EML5: variants seen among roughly 807,000 people sequenced by gnomAD.
EML5 encodes the protein echinoderm microtubule-associated protein-like 5.
A neutral mutation model predicts 250.0 loss-of-function variants in EML5; 120 were observed. The ratio of observed to expected loss-of-function variants is 0.48; its 90% CI spans 0.41 to 0.56. The LOEUF (loss-of-function observed/expected upper bound fraction) is 0.56. Ranked by LOEUF, EML5 falls within the 20% of genes least tolerant of loss-of-function variation. The pLI is 0.00. For missense variants in EML5, 2,006 were observed against 2,437.6 expected, an observed-to-expected ratio of 0.82 and a Z score of 3.73; for synonymous variants, 771 against 806.5, an observed-to-expected ratio of 0.96 and a Z score of 0.75.
In EML5 at chr14:88,615,811, G is replaced by A. The variant is rs373293272; in HGVS notation, c.*7C>T. On this transcript the variant is annotated 3_prime_UTR_variant, in exon 44 of 44. Coordinates refer to ENST00000554922, the MANE Select transcript of EML5 (RefSeq NM_183387.3). ...AAAGTTAATTTCTGTAGTCATCTCAGCATCTCTCAGTGAGGTGTATGTACA... is the reference window on the plus strand; with the variant it reads ...AAAGTTAATTTCTGTAGTCATCTCAACATCTCTCAGTGAGGTGTATGTACA... 1.9e-5 allele frequency: 30 copies of A among 1,610,596 alleles called. No individual in the cohort carries two copies. The African/African-American group carries it at 3.9e-4, about 21-fold the overall frequency.
intron 24 of EML5, among the ~76,000 whole-genome samples, 152 bp downstream of exon 24, chr14:88,662,879 C>A (rs900043892): frequency 3.3e-5 from 5 of 152,008 alleles, no homozygotes; most frequent in Non-Finnish European, 7.4e-5. Flanking sequence ...TTCCTTCACC[C>A]ATGTATTCTG....
At chr14:88,659,296 C>T (rs1401235433) in intron 25 of EML5, among the ~76,000 whole-genome samples, 1 of 151,788 alleles carries the variant, frequency 6.6e-6, no homozygotes, top group Non-Finnish European at 1.5e-5. Flanking sequence ...ACTGTAACCT[C>T]CGCCTCCTGG....
rs969048056 is a variant in EML5, at chr14:88,625,325, A to G, written c.4741-198T>C. 1.8e-5 allele frequency: 10 copies of G among 552,322 alleles called. No individual in the cohort carries two copies. In the Admixed American group the frequency reaches 3.4e-4, roughly 19 times the overall value. The allele number at this position is 552,322 out of a possible 1,614,324, so 34.2% of individuals were successfully genotyped here. A position where few individuals can be genotyped will look rare whatever the true frequency, so the allele number is the denominator to read the frequency against. On this transcript the variant is annotated intron_variant, in intron 35 of 43. Coordinates refer to ENST00000554922, the MANE Select transcript of EML5 (RefSeq NM_183387.3). ...GCTTTGTCAGGACCTTTTCCTTTCC[A>G]AGTCTGTTGCTTATTAGCTAGAATA...
chr14:88,722,750 C>T lies in EML5; in HGVS notation c.1187+3791G>A, dbSNP rs527975976. On this transcript the variant is annotated intron_variant, in intron 8 of 43. Transcript: ENST00000554922. ...ATATCTTACTGCTCAAGGTCATTGC[C>T]AAGGTCTGATTTTTCATAAAAAAAA... Among the ~76,000 whole-genome samples, 13 of 152,106 alleles carry T rather than the reference C, an allele frequency of 8.5e-5. No homozygotes were observed. In the South Asian group the frequency reaches 2.7e-3, roughly 32 times the overall value.
chr14:88,775,202 GGGGCGAAACT>G (rs779998080), intron 1 of EML5, among the ~76,000 whole-genome samples: 3 of 152,198 alleles, frequency 2.0e-5, no homozygotes, highest in Non-Finnish European at 4.4e-5. Flanking sequence ...TGGTGGCCAT[GGGGCGAAACT>G]CCTTTTGCTT....
In EML5 at chr14:88,704,845, A is replaced by G; in HGVS notation, c.2051+15T>C. 6.3e-7 allele frequency: 1 copy of G among 1,581,694 alleles called. No homozygotes were observed. Among genetic ancestry groups the G allele is most frequent in the Non-Finnish European group, 8.7e-7 (1 of 1,154,156 alleles). ...CAAAATTCAAACAAATAAATGAAAG[A>G]TAGTTGTTTTATACCCGTGAACAAA... is the stretch of plus-strand genomic sequence containing the variant. On this transcript the variant is annotated intron_variant, in intron 13 of 43. Transcript: ENST00000554922.
In EML5 at chr14:88,615,691, G is replaced by A. The variant is rs1460587579; in HGVS notation, c.*127C>T. The A allele has an allele frequency of 1.2e-6, 1 of 810,456 alleles. No individual in the cohort carries two copies. Among genetic ancestry groups the A allele is most frequent in the Non-Finnish European group, 2.0e-6 (1 of 510,490 alleles). The allele number at this position is 810,456 out of a possible 1,614,324, so 50.2% of individuals were successfully genotyped here. On this transcript the variant is annotated 3_prime_UTR_variant, in exon 44 of 44. Coordinates refer to ENST00000554922, the MANE Select transcript of EML5 (RefSeq NM_183387.3). ...CAGATCAGTCTTTCACTATTTTGAT[G>A]ATTCTGGGCATTTCTCCCTGTTACA...
intron 15 of EML5, among the ~76,000 whole-genome samples, chr14:88,696,127 T>C (rs1180404497): frequency 6.6e-6 from 1 of 151,486 alleles, no homozygotes; most frequent in Non-Finnish European, 1.5e-5. Context: ...TAGCTTGCAA[T>C]TCATTTTCTA....
chr14:88,715,088 A>G lies in EML5; in HGVS notation c.1295T>C (p.Val432Ala). The G allele has an allele frequency of 6.2e-7, 1 of 1,613,798 alleles. No individual in the cohort carries two copies. Among genetic ancestry groups the G allele is most frequent in the Non-Finnish European group, 8.5e-7 (1 of 1,179,806 alleles). The change falls in exon 9 of 44, where the codon GTT becomes GCT. Residue 432 changes from valine (V) to alanine (A), a missense_variant. Coordinates refer to ENST00000554922, the MANE Select transcript of EML5 (RefSeq NM_183387.3). ...YLAVGCNDSS[V>A]DIYGVAQRYK... The stretch of plus-strand genomic sequence containing the variant: ...ACGCTGAGCAACTCCATAAATATCA[A>G]CCGAGCTGTCATTGCATCCAACAGC...
chr14:88,641,888 ATTCCT>A (rs2091086137), intron 31 of EML5, among the ~76,000 whole-genome samples: 1 of 152,220 alleles, frequency 6.6e-6, no homozygotes, highest in African/African-American at 2.4e-5. Flanking sequence ...TTACACATAC[ATTCCT>A]TTCTTGTTTA....
chr14:88,775,872 T>G (rs894733162), intron 1 of EML5, among the ~76,000 whole-genome samples: 1 of 152,122 alleles, frequency 6.6e-6, no homozygotes, highest in Non-Finnish European at 1.5e-5. Context: ...ACAGGGTGAT[T>G]ATGTCATTCA....
chr14:88,661,529 C>A, intron 25 of EML5, 125 bp downstream of exon 25: 1 of 839,868 alleles, frequency 1.2e-6, no homozygotes, highest in Non-Finnish European at 1.8e-6. Context: ...TAATTCTGAA[C>A]CTTTCATATT....
intron 8 of EML5, among the ~76,000 whole-genome samples, chr14:88,720,863 A>G (rs1183021289): frequency 2.6e-5 from 4 of 152,172 alleles, no homozygotes; most frequent in African/African-American, 4.8e-5. Flanking sequence ...ACATGATCCT[A>G]TATCTAGAAA....
chr14:88,684,414 C>T (rs1027579370), intron 20 of EML5, among the ~76,000 whole-genome samples: 13 of 140,562 alleles, frequency 9.2e-5, no homozygotes, highest in African/African-American at 3.0e-4. Flanking sequence ...TCGTGATCCG[C>T]CCGCCTCGGC....
intron 21 of EML5, 118 bp from the exon 22 acceptor site, chr14:88,665,607 G>T: frequency 2.2e-6 from 3 of 1,362,408 alleles, no homozygotes; most frequent in Non-Finnish European, 3.0e-6. Context: ...CAGGAGGACT[G>T]CCCGCGGCCA....
chr14:88,744,431 G>A (rs2093975250), intron 3 of EML5, among the ~76,000 whole-genome samples: 1 of 151,908 alleles, frequency 6.6e-6, no homozygotes, highest in Non-Finnish European at 1.5e-5. Flanking sequence ...AATTTCTACA[G>A]AAAAGAGATT....
intron 4 of EML5, among the ~76,000 whole-genome samples, chr14:88,742,268 C>T (rs555117082): frequency 7.2e-5 from 11 of 152,178 alleles, no homozygotes; most frequent in African/African-American, 2.2e-4. Context: ...CACACACACA[C>T]GCTTTCCAAT....
Position 88,626,930 on chromosome 14 carries a change from G to A in EML5, c.4648C>T (p.Leu1550=), listed in dbSNP as rs1418375650. 1.2e-6 allele frequency: 2 copies of A among 1,613,828 alleles called. No individual in the cohort carries two copies. Among genetic ancestry groups the A allele is most frequent in the Middle Eastern group, 1.6e-4 (1 of 6,084 alleles). The change falls in exon 35 of 44, where the codon CTG becomes TTG. Residue 1550 remains leucine (L), a synonymous_variant. Coordinates refer to ENST00000554922, the MANE Select transcript of EML5 (RefSeq NM_183387.3). ...TTGCTAAGAAGAGCTCTTCCTGCCA[G>A]GGTCCAGAACTTCACATGTTTTACT... ...VGVKHVKFWT[L]AGRALLSKKG... is the part of the protein sequence containing the mutation.
rs1403586093 is a variant in EML5 at position 88,613,925 on chromosome 14, CTACT to C, written c.*1889_*1892del. 6.6e-6 allele frequency: 1 copy of C among 152,232 alleles called. No individual in the cohort carries two copies. Among genetic ancestry groups the C allele is most frequent in the African/African-American group, 2.4e-5 (1 of 41,458 alleles). The allele number at this position is 152,232 out of a possible 1,614,324, so 9.4% of individuals were successfully genotyped here. A position where few individuals can be genotyped will look rare whatever the true frequency, so the allele number is the denominator to read the frequency against. On this transcript the variant is annotated 3_prime_UTR_variant, in exon 44 of 44. Transcript: ENST00000554922. ...ATACAGCGAGGTGGTCAGCTGATGA[CTACT>C]TAGTCAATATGACCTTTAGTCGTGA...
Sources: gnomAD v4.1 joint callset for allele counts (sites outside exome capture counted in the v4.1 genomes callset) on GRCh38, gnomAD v4.1.1 for gene constraint, MANE v1.5 for transcripts, NCBI Gene and HGNC (gene_info 2026-07-23, HGNC 2026-07-21) for gene names.